The following ERBB4 variants were observed in gnomAD, a reference collection of about 807,000 sequenced individuals.
ERBB4 encodes receptor tyrosine-protein kinase erbB-4.
Under a neutral mutation model 158.0 loss-of-function variants are expected in ERBB4, and 42 were observed. That is an observed-to-expected ratio of 0.27 (90% CI 0.21 to 0.34). ERBB4 has a LOEUF of 0.34. ERBB4 is among the 10% of genes least tolerant of loss of function. The pLI is 1.00. For missense variants in ERBB4, 1,333 were observed against 1,624.1 expected (o/e 0.82, Z 3.08); for synonymous variants, 583 against 558.7 (o/e 1.04, Z -0.61).
At chr2:212,092,107 A>G (rs2078797233) in intron 2 of ERBB4, among the ~76,000 whole-genome samples, 1 of 152,180 alleles carries the variant, frequency 6.6e-6, no homozygotes, top group Non-Finnish European at 1.5e-5. Context: ...GCAATGTCCT[A>G]TGGGAAACAA....
intron 1 of ERBB4, among the ~76,000 whole-genome samples, chr2:212,162,950 CT>C (rs2081245193): frequency 6.6e-6 from 1 of 151,856 alleles, no homozygotes; most frequent in African/African-American, 2.4e-5. Flanking sequence ...CAAAAGATTT[CT>C]TTTTGTGTCT....
rs369885462 is a variant in ERBB4 at position 211,942,507 on chromosome 2, C to T, written c.421+4923G>A. On this transcript the variant is annotated intron_variant, in intron 3 of 27. Transcript: ENST00000342788. ...GAGCAGCTGGGACCGCAGGCATGTG[C>T]CATCAAGCCTTCTATTCTATTTTTC... Among the ~76,000 whole-genome samples, 133 of 152,150 alleles carry T rather than the reference C, an allele frequency of 8.7e-4. 3 individuals carry two copies. In the South Asian group the frequency reaches 0.024, roughly 28 times the overall value.
intron 2 of ERBB4, among the ~76,000 whole-genome samples, chr2:212,089,275 G>A (rs2078704284): frequency 6.6e-6 from 1 of 152,070 alleles, no homozygotes. Context: ...AGATGTCTGG[G>A]AATTCCACTT....
At chr2:211,734,153 TG>T (rs1189425358) in intron 5 of ERBB4, among the ~76,000 whole-genome samples, 1 of 152,104 alleles carries the variant, frequency 6.6e-6, no homozygotes, top group Non-Finnish European at 1.5e-5. Flanking sequence ...AGGTAAACAA[TG>T]GACAAATATC....
At chr2:211,784,263 C>A (rs2076105241) in intron 4 of ERBB4, among the ~76,000 whole-genome samples, 1 of 152,166 alleles carries the variant, frequency 6.6e-6, no homozygotes. Context: ...ATTTAGCCTT[C>A]CTTCCAACAC....
At chr2:212,301,220 T>C (rs913140986) in intron 1 of ERBB4, among the ~76,000 whole-genome samples, 2 of 151,254 alleles carry the variant, frequency 1.3e-5, no homozygotes, top group Non-Finnish European at 3.0e-5. Flanking sequence ...ATAACAGTTA[T>C]ACTCTAATAT....
chr2:211,807,504 TG>T (rs2076647705), intron 3 of ERBB4, among the ~76,000 whole-genome samples: 1 of 152,234 alleles, frequency 6.6e-6, no homozygotes, highest in Non-Finnish European at 1.5e-5. Flanking sequence ...CAGTATTCCA[TG>T]GTGTATATGT....
At chr2:211,993,458 T>G (rs1298620956) in intron 2 of ERBB4, among the ~76,000 whole-genome samples, 2 of 152,120 alleles carry the variant, frequency 1.3e-5, no homozygotes, top group Non-Finnish European at 2.9e-5. Flanking sequence ...GTGTGCTATT[T>G]TGTTACTGCC....
intron 2 of ERBB4, among the ~76,000 whole-genome samples, chr2:211,970,978 T>C (rs2125201315): frequency 6.6e-6 from 1 of 152,342 alleles, no homozygotes; most frequent in East Asian, 1.9e-4. Context: ...ATCACTGGTC[T>C]GTGTACTTCA....
At chr2:212,472,395 G>A (rs1006338251) in intron 1 of ERBB4, among the ~76,000 whole-genome samples, 4 of 151,712 alleles carry the variant, frequency 2.6e-5, no homozygotes, top group African/African-American at 9.7e-5. Flanking sequence ...AAGTAATATA[G>A]CTTATTTGAA....
chr2:211,482,034 G>A (rs1461013150), intron 20 of ERBB4, among the ~76,000 whole-genome samples: 1 of 152,134 alleles, frequency 6.6e-6, no homozygotes, highest in Non-Finnish European at 1.5e-5. Flanking sequence ...TCCAAGTAGA[G>A]ACAGGCAGTC....
chr2:211,387,656 C>A (rs1262092837), intron 26 of ERBB4, among the ~76,000 whole-genome samples: 1 of 141,482 alleles, frequency 7.1e-6, no homozygotes, highest in East Asian at 2.4e-4. Context: ...AGTACATGAC[C>A]AATAATCAGG....
At chr2:211,586,538 C>T (rs1385036061) in intron 19 of ERBB4, among the ~76,000 whole-genome samples, 1 of 152,048 alleles carries the variant, frequency 6.6e-6, no homozygotes, top group Non-Finnish European at 1.5e-5. Flanking sequence ...TCTTTTCTTG[C>T]CAGAATACTT....
chr2:212,446,634 TA>T (rs2106002326), intron 1 of ERBB4, among the ~76,000 whole-genome samples: 1 of 98,472 alleles, frequency 1.0e-5, no homozygotes, highest in East Asian at 3.1e-4. Context: ...TATATATATA[TA>T]TATCCTATTA....
chr2:212,125,530 A>G (rs911318412), intron 1 of ERBB4, among the ~76,000 whole-genome samples: 3 of 152,176 alleles, frequency 2.0e-5, no homozygotes, highest in Non-Finnish European at 4.4e-5. Flanking sequence ...TATTAAGCCT[A>G]GAACCCATTA....
intron 3 of ERBB4, among the ~76,000 whole-genome samples, chr2:211,938,220 G>C (rs2125114345): frequency 6.6e-6 from 1 of 152,168 alleles, no homozygotes; most frequent in East Asian, 1.9e-4. Context: ...ATATGTACTT[G>C]ATAATTTAAC....
intron 4 of ERBB4, among the ~76,000 whole-genome samples, chr2:211,783,574 T>C (rs2076085986): frequency 6.6e-6 from 1 of 152,252 alleles, no homozygotes; most frequent in Admixed American, 6.5e-5. Context: ...GTTTTTAGTA[T>C]GAAGGGCTGT....
chr2:211,973,919 T>C (rs1426932643), intron 2 of ERBB4, among the ~76,000 whole-genome samples: 1 of 152,186 alleles, frequency 6.6e-6, no homozygotes, highest in Non-Finnish European at 1.5e-5. Context: ...AATAAAGTCA[T>C]GTCCTTTACA....
chr2:211,734,735 A>G (rs1159142055), intron 5 of ERBB4, among the ~76,000 whole-genome samples: 1 of 151,496 alleles, frequency 6.6e-6, no homozygotes, highest in Admixed American at 6.6e-5. Flanking sequence ...CCTGGCTAAC[A>G]TGGTGAAACC....
Sources: allele counts gnomAD v4.1 joint callset (sites outside exome capture counted in the v4.1 genomes callset), GRCh38; gene constraint gnomAD v4.1.1; transcripts MANE v1.5; gene names NCBI Gene and HGNC (gene_info 2026-07-23, HGNC 2026-07-21).